The following IL4R variants were observed in gnomAD, a reference collection of about 807,000 sequenced individuals.
IL4R encodes interleukin-4 receptor subunit alpha.
A neutral mutation model predicts 41.5 loss-of-function variants in IL4R; 17 were observed. The ratio of observed to expected loss-of-function variants is 0.41; its 90% CI spans 0.28 to 0.61. The LOEUF (loss-of-function observed/expected upper bound fraction) is 0.61. IL4R is among the 20% of genes least tolerant of loss of function. The probability of loss-of-function intolerance (pLI) is 0.31; values close to 1 mark genes in which losing one functional copy is unlikely to be tolerated. For synonymous variants in IL4R, 402 were observed against 422.9 expected (o/e 0.95, Z 0.61); for missense variants, 974 against 1,043.1 (o/e 0.93, Z 0.91).
Position 27,352,691 on chromosome 16 carries a change from A to G in IL4R, c.665A>G (p.His222Arg). 1 of 1,614,090 alleles carries G rather than the reference A, an allele frequency of 6.2e-7. No individual in the cohort carries two copies. Among genetic ancestry groups the G allele is most frequent in the African/African-American group, 1.3e-5 (1 of 75,050 alleles). ...WSEWSPSTKW[H>R]NSYREPFEQH... ...GAGTGGAGCCCCAGCACCAAGTGGC[A>G]CAACTGTGAGTATCAAGAGGCCTAA... is the stretch of plus-strand genomic sequence containing the variant. The change falls in exon 7 of 11, where the codon CAC (histidine) becomes CGC (arginine). Residue 222 changes from histidine to arginine, a missense_variant. Physicochemically the swap from His to Arg is conservative, Grantham distance 29 (BLOSUM62 0). Around this residue, in one of 3 missense-constraint regions of IL4R, gnomAD observed 284 missense variants for 313.4 expected, o/e 0.91. Transcript: ENST00000395762.
Position 27,362,546 on chromosome 16 carries a change from A to G in IL4R, c.1194A>G (p.Gly398=), listed in dbSNP as rs889955602. The G allele has an allele frequency of 1.2e-6, 2 of 1,613,952 alleles. No homozygotes were observed. The highest frequency in any genetic ancestry group is 1.7e-6 in the Non-Finnish European group (2 of 1,180,010). ...GCAGCAGGGATGACTTCCAGGAGGGAAGGGAGGGCATTGTGGCCCGGCTAA... is the reference window on the plus strand; with the variant it reads ...GCAGCAGGGATGACTTCCAGGAGGGGAGGGAGGGCATTGTGGCCCGGCTAA... The part of the protein sequence containing the change: ...PESSRDDFQE[G]REGIVARLTE... The change falls in exon 11 of 11, where the codon GGA becomes GGG. Residue 398 remains glycine (G), a synonymous_variant. Coordinates refer to ENST00000395762, the MANE Select transcript of IL4R (RefSeq NM_000418.4).
intron 1 of IL4R, among the ~76,000 whole-genome samples, chr16:27,326,628 T>C (rs1176950851): frequency 6.6e-6 from 1 of 152,152 alleles, no homozygotes; most frequent in African/African-American, 2.4e-5. Flanking sequence ...ACGGTGCGAC[T>C]GCATTCTAGC....
Position 27,345,079 on chromosome 16 carries a change from G to C in IL4R, c.361+59G>C. 8.2e-7 allele frequency: 1 copy of C among 1,214,968 alleles called. No homozygotes were observed. The highest frequency in any genetic ancestry group is 1.2e-5 in the South Asian group (1 of 83,746). The allele number at this position is 1,214,968 out of a possible 1,614,324, so 75.3% of individuals were successfully genotyped here. A position where few individuals can be genotyped will look rare whatever the true frequency, so the allele number is the denominator to read the frequency against. ...GTGTGTTCCCACAGCTGCCTGGGCTGAGGGTGGGGTGGGCAGGGGAGGAGG... is the reference window on the plus strand; with the variant it reads ...GTGTGTTCCCACAGCTGCCTGGGCTCAGGGTGGGGTGGGCAGGGGAGGAGG... On this transcript the variant is annotated intron_variant, in intron 5 of 10. Coordinates refer to ENST00000395762, the MANE Select transcript of IL4R (RefSeq NM_000418.4). This position sits in a 1 kb window ranked among gnomAD's most constrained non-coding sequence, Gnocchi z 4.5.
At chr16:27,324,529 C>A (rs1324836416) in intron 1 of IL4R, among the ~76,000 whole-genome samples, 2 of 152,138 alleles carry the variant, frequency 1.3e-5, no homozygotes, top group Non-Finnish European at 1.5e-5. Flanking sequence ...TGTGAGCTGG[C>A]CTTGCAGTAG....
chr16:27,358,313 C>A (rs1450643729), intron 8 of IL4R, among the ~76,000 whole-genome samples: 1 of 152,242 alleles, frequency 6.6e-6, no homozygotes, highest in East Asian at 1.9e-4. Flanking sequence ...CACAGTGAGT[C>A]AAACATAGAA....
intron 1 of IL4R, among the ~76,000 whole-genome samples, chr16:27,320,513 A>C (rs1405562000): frequency 6.6e-6 from 1 of 152,114 alleles, no homozygotes; most frequent in Non-Finnish European, 1.5e-5. Flanking sequence ...CTCAGGCTAG[A>C]GACTTACCTG....
At chr16:27,321,762 AT>A (rs1482021110) in intron 1 of IL4R, among the ~76,000 whole-genome samples, 1 of 152,230 alleles carries the variant, frequency 6.6e-6, no homozygotes, top group Non-Finnish European at 1.5e-5. Flanking sequence ...TTGTTACACA[AT>A]GTTATTCACT....
chr16:27,332,282 C>T (rs1288223628), intron 2 of IL4R, among the ~76,000 whole-genome samples: 3 of 151,930 alleles, frequency 2.0e-5, no homozygotes, highest in Non-Finnish European at 2.9e-5. Flanking sequence ...ATTATCATGG[C>T]GGAAAGGGAA....
At chr16:27,360,098 T>C (rs1321794129) in intron 9 of IL4R, among the ~76,000 whole-genome samples, 1 of 151,750 alleles carries the variant, frequency 6.6e-6, no homozygotes, top group Non-Finnish European at 1.5e-5. Context: ...CACTGCAACC[T>C]CTGCTTCCTG....
In IL4R at chr16:27,346,543, G is replaced by A. The variant is rs746211910; in HGVS notation, c.438G>A (p.Pro146=). 1.7e-5 allele frequency: 27 copies of A among 1,614,046 alleles called. No homozygotes were observed. Among genetic ancestry groups the A allele is most frequent in the East Asian group, 4.5e-5 (2 of 44,880 alleles). The change falls in exon 6 of 11, where the codon CCG becomes CCA. Residue 146 remains proline, a synonymous_variant. Transcript: ENST00000395762. ...CTCTGCTGCTGACCTGGAGCAACCC[G>A]TATCCCCCTGACAATTACCTGTATA... The part of the protein sequence containing the change: ...SDTLLLTWSN[P]YPPDNYLYNH...
chr16:27,342,388 G>A (rs918440273), intron 4 of IL4R, 129 bp downstream of exon 4: 2 of 1,130,208 alleles, frequency 1.8e-6, no homozygotes, highest in Non-Finnish European at 2.6e-6. Context: ...TTTATATGGT[G>A]TTAGAGGGGA....
chr16:27,360,733 T>C, intron 9 of IL4R, 33 bp from the exon 10 acceptor site: 1 of 1,613,994 alleles, frequency 6.2e-7, no homozygotes, highest in Admixed American at 1.7e-5. Flanking sequence ...GCAAGGCCAC[T>C]CTGCTCTTTC....
chr16:27,355,206 AAAT>A (rs1355448554), intron 7 of IL4R: 2 of 278,290 alleles, frequency 7.2e-6, no homozygotes, highest in African/African-American at 4.4e-5. Flanking sequence ...GCTGGGAAGA[AAAT>A]AAAAGCAGAG....
chr16:27,362,951 C>T lies in IL4R; in HGVS notation c.1599C>T (p.Val533=). The T allele has an allele frequency of 6.2e-7, 1 of 1,614,148 alleles. No homozygotes were observed. The highest frequency in any genetic ancestry group is 8.5e-7 in the Non-Finnish European group (1 of 1,180,034). ...LEEVEPEMPC[V]PQLSEPTTVP... ...AAGTAGAACCCGAGATGCCCTGTGT[C>T]CCCCAGCTCTCTGAGCCAACCACTG... The change falls in exon 11 of 11, where the codon GTC becomes GTT. Residue 533 remains valine (V), a synonymous_variant. Transcript: ENST00000395762.
chr16:27,336,144 C>T (rs941003018), intron 2 of IL4R, among the ~76,000 whole-genome samples: 1 of 152,088 alleles, frequency 6.6e-6, no homozygotes, highest in Non-Finnish European at 1.5e-5. Context: ...ACTTCATACT[C>T]CTAACCTACT....
intron 7 of IL4R, among the ~76,000 whole-genome samples, chr16:27,353,071 C>G (rs2085935201): frequency 6.6e-6 from 1 of 152,184 alleles, no homozygotes; most frequent in African/African-American, 2.4e-5. Context: ...GTCCTGGTTT[C>G]CTTTGGCAGC....
chr16:27,355,999 C>T, intron 8 of IL4R, 92 bp downstream of exon 8: 1 of 800,420 alleles, frequency 1.2e-6, no homozygotes. Context: ...GCAGTCCTCT[C>T]AGTCAATAAT....
chr16:27,344,766 G>A (rs2085575466), intron 4 of IL4R, 103 bp from the exon 5 acceptor site: 1 of 1,192,340 alleles, frequency 8.4e-7, no homozygotes, highest in Non-Finnish European at 1.2e-6. Context: ...TGATCGGGAA[G>A]CTGGAAGAGT....
rs1177815618 is a variant in IL4R, at chr16:27,346,447, A to G, written c.362-20A>G. On this transcript the variant is annotated intron_variant, in intron 5 of 10. Transcript: ENST00000395762. ...GGAGTCACTGCATAGATCCTCACAT[A>G]GAGGCCGCTTCTCCCGCAGTGAAAC... 2 of 1,613,788 alleles carry G rather than the reference A, an allele frequency of 1.2e-6. No individual in the cohort carries two copies. The highest frequency in any genetic ancestry group is 1.7e-6 in the Non-Finnish European group (2 of 1,179,886).
Sources: allele counts gnomAD v4.1 joint callset (sites outside exome capture counted in the v4.1 genomes callset), GRCh38; gene constraint gnomAD v4.1.1; regional missense constraint gnomAD v4.1.1; non-coding constraint Gnocchi (gnomAD v3.1); transcripts MANE v1.5; gene names NCBI Gene and HGNC (gene_info 2026-07-23, HGNC 2026-07-21).